Variants in SIPA1L1 observed in about 807,000 individuals in gnomAD.
The protein encoded by SIPA1L1 is signal-induced proliferation-associated 1-like protein 1.
SIPA1L1 carries 26 observed loss-of-function variants against 162.7 expected under a neutral mutation model. The ratio of observed to expected loss-of-function variants is 0.16; its 90% confidence interval spans 0.12 to 0.22. SIPA1L1 has a LOEUF of 0.22. SIPA1L1 is among the 10% of genes least tolerant of loss of function. SIPA1L1 has a pLI of 1.00. For missense variants in SIPA1L1, 1,874 were observed against 2,241.0 expected (o/e 0.84, Z 3.31); for synonymous variants, 829 against 837.4 (o/e 0.99, Z 0.17).
At chr14:71,568,866 A>G (rs1469225620) in intron 4 of SIPA1L1, among the ~76,000 whole-genome samples, 1 of 152,236 alleles carries the variant, frequency 6.6e-6, no homozygotes, top group Non-Finnish European at 1.5e-5. Flanking sequence ...TTAGGAAGAC[A>G]GTTCCTCTGG....
At chr14:71,648,502 A>G (rs1201012612) in intron 7 of SIPA1L1, among the ~76,000 whole-genome samples, 1 of 152,200 alleles carries the variant, frequency 6.6e-6, no homozygotes, top group African/African-American at 2.4e-5. Flanking sequence ...ATGGTAGTTC[A>G]GGTTCGTAGT....
At chr14:71,475,683 G>T (rs368067448) in intron 2 of SIPA1L1, among the ~76,000 whole-genome samples, 15 of 152,320 alleles carry the variant, frequency 9.8e-5, no homozygotes, top group African/African-American at 3.4e-4. Context: ...GTCTTCCAAT[G>T]TAACACATTT....
chr14:71,740,416 C>G lies in SIPA1L1; in HGVS notation c.*1255C>G, dbSNP rs1313183648. ...ACTCTTCCAAGGCTGCTGTAGAGCA[C>G]AGAGACATGGGGCTGGCCAGTGTTG... is the stretch of plus-strand genomic sequence containing the variant. On this transcript the variant is annotated 3_prime_UTR_variant, in exon 24 of 24. Coordinates refer to ENST00000381232, the MANE Select transcript of SIPA1L1 (RefSeq NM_001386936.1). 6.6e-6 allele frequency: 1 copy of G among 152,202 alleles called. No homozygotes were observed. The highest frequency in any genetic ancestry group is 2.4e-5 in the African/African-American group (1 of 41,428). The allele number at this position is 152,202 out of a possible 1,614,324, so 9.4% of individuals were successfully genotyped here. A position where few individuals can be genotyped will look rare whatever the true frequency, so the allele number is the denominator to read the frequency against.
intron 2 of SIPA1L1, among the ~76,000 whole-genome samples, chr14:71,463,883 C>T (rs1033950708): frequency 4.6e-5 from 7 of 152,166 alleles, no homozygotes; most frequent in Non-Finnish European, 1.0e-4. Flanking sequence ...ATTCTGATTG[C>T]CACTTTGCCT....
intron 2 of SIPA1L1, among the ~76,000 whole-genome samples, chr14:71,481,536 A>C (rs1248475090): frequency 2.0e-5 from 3 of 152,174 alleles, no homozygotes; most frequent in Admixed American, 2.0e-4. Context: ...AAAGTCCCCA[A>C]AAAAAGAGAG....
At chr14:71,631,149 C>T (rs924682479) in intron 7 of SIPA1L1, among the ~76,000 whole-genome samples, 1 of 152,046 alleles carries the variant, frequency 6.6e-6, no homozygotes, top group African/African-American at 2.4e-5. Flanking sequence ...TGATAGTTTG[C>T]TGAGAATTAT....
chr14:71,358,796 G>T (rs1346217894), intron 2 of SIPA1L1, among the ~76,000 whole-genome samples: 4 of 152,148 alleles, frequency 2.6e-5, no homozygotes, highest in African/African-American at 7.2e-5. Flanking sequence ...AGGGAAGCAG[G>T]CACGTCTTGC....
At chr14:71,460,677 G>T (rs745592669) in intron 2 of SIPA1L1, among the ~76,000 whole-genome samples, 1 of 152,152 alleles carries the variant, frequency 6.6e-6, no homozygotes, top group Non-Finnish European at 1.5e-5. Flanking sequence ...ATAATGTTGC[G>T]GGAACAGGAA....
Position 71,739,987 on chromosome 14 carries a change from C to T in SIPA1L1, c.*826C>T, listed in dbSNP as rs2085643448. The T allele has an allele frequency of 6.6e-6, 1 of 152,154 alleles. No individual in the cohort carries two copies. The highest frequency in any genetic ancestry group is 1.5e-5 in the Non-Finnish European group (1 of 68,028). The allele number at this position is 152,154 out of a possible 1,614,324, so 9.4% of individuals were successfully genotyped here. A position where few individuals can be genotyped will look rare whatever the true frequency, so the allele number is the denominator to read the frequency against. ...CCAAACATTAATTGATTTCAGAATTCCCCCAAACTAAAACCTTATCTGTCT... is the reference window on the plus strand; with the variant it reads ...CCAAACATTAATTGATTTCAGAATTTCCCCAAACTAAAACCTTATCTGTCT... On this transcript the variant is annotated 3_prime_UTR_variant, in exon 24 of 24. Coordinates refer to ENST00000381232, the MANE Select transcript of SIPA1L1 (RefSeq NM_001386936.1).
At chr14:71,633,170 C>A (rs112020638) in intron 7 of SIPA1L1, among the ~76,000 whole-genome samples, 4,261 of 133,954 alleles carry the variant, frequency 0.032, 181 homozygotes, top group African/African-American at 0.1. Context: ...CTGTTCTGTT[C>A]TGTTCTTTGG....
chr14:71,460,894 G>A (rs1469876158), intron 2 of SIPA1L1, among the ~76,000 whole-genome samples: 1 of 152,154 alleles, frequency 6.6e-6, no homozygotes, highest in Non-Finnish European at 1.5e-5. Context: ...TTGTAATTGT[G>A]ACTTCAAAAG....
At chr14:71,646,002 G>A (rs937404684) in intron 7 of SIPA1L1, among the ~76,000 whole-genome samples, 1 of 152,114 alleles carries the variant, frequency 6.6e-6, no homozygotes, top group Non-Finnish European at 1.5e-5. Flanking sequence ...CCCAGTGGCC[G>A]CTTTCTGGCC....
At chr14:71,320,707 C>T (rs547106267) in intron 1 of SIPA1L1, among the ~76,000 whole-genome samples, 2 of 150,694 alleles carry the variant, frequency 1.3e-5, no homozygotes, top group South Asian at 4.2e-4. Context: ...TCCTCATCCC[C>T]CCCCCGGCAA....
chr14:71,346,658 G>C (rs1336017382), intron 2 of SIPA1L1, among the ~76,000 whole-genome samples: 12 of 152,182 alleles, frequency 7.9e-5, no homozygotes, highest in Admixed American at 6.5e-4. Context: ...AAGTGTTCAG[G>C]GTCATTGGAA....
intron 5 of SIPA1L1, among the ~76,000 whole-genome samples, chr14:71,600,906 G>A (rs960502003): frequency 6.6e-6 from 1 of 151,976 alleles, no homozygotes. Flanking sequence ...TTCGTTATTG[G>A]TGTAAAGGAA....
chr14:71,429,497 G>C (rs534000737), intron 2 of SIPA1L1, among the ~76,000 whole-genome samples: 136 of 151,934 alleles, frequency 9.0e-4, no homozygotes, highest in Non-Finnish European at 1.3e-3. Flanking sequence ...GCCTAGTCAT[G>C]GGGATTGATT....
chr14:71,724,607 C>T, intron 18 of SIPA1L1, 63 bp from the exon 19 acceptor site: 3 of 1,345,586 alleles, frequency 2.2e-6, no homozygotes, highest in Admixed American at 4.2e-5. Flanking sequence ...CTTTAGAGCC[C>T]ATCATGCCCT....
intron 4 of SIPA1L1, among the ~76,000 whole-genome samples, chr14:71,559,770 A>G (rs1192797018): frequency 6.6e-6 from 1 of 152,200 alleles, no homozygotes; most frequent in Non-Finnish European, 1.5e-5. Flanking sequence ...AAATTTCCAA[A>G]AGCATGTTTT....
intron 2 of SIPA1L1, among the ~76,000 whole-genome samples, chr14:71,500,558 A>T (rs897744135): frequency 2.0e-5 from 3 of 152,214 alleles, no homozygotes; most frequent in Non-Finnish European, 4.4e-5. Flanking sequence ...TAGTGGGAGT[A>T]AAATTGCTAG....
Sources: allele counts gnomAD v4.1 joint callset (sites outside exome capture counted in the v4.1 genomes callset), GRCh38; gene constraint gnomAD v4.1.1; transcripts MANE v1.5; gene names NCBI Gene and HGNC (gene_info 2026-07-23, HGNC 2026-07-21).